Variants in SUMO2 observed in about 807,000 individuals in gnomAD.
SUMO2 encodes the protein small ubiquitin like modifier 2.
A neutral mutation model predicts 16.0 loss-of-function variants in SUMO2; 1 was observed. The observed-to-expected ratio is 0.06, with a 90% CI of 0.02 to 0.30. The LOEUF (loss-of-function observed/expected upper bound fraction) is 0.30. Ranked by LOEUF, SUMO2 falls within the 10% of genes least tolerant of loss-of-function variation. SUMO2 has a pLI of 1.00. For synonymous variants in SUMO2, 36 were observed against 40.6 expected, an observed-to-expected ratio of 0.89 and a Z score of 0.43; for missense variants, 16 against 117.5, an observed-to-expected ratio of 0.14 and a Z score of 3.99.
intron 2 of SUMO2, among the ~76,000 whole-genome samples, chr17:75,177,240 C>T (rs28391127): frequency 0.047 from 7,164 of 151,478 alleles, 576 homozygotes; most frequent in African/African-American, 0.16. Context: ...AGGTGGCAGG[C>T]GCTGTAATCC....
Position 75,182,907 on chromosome 17 carries a change from G to A in SUMO2, c.-73C>T, listed in dbSNP as rs933569722. 12 of 1,242,538 alleles carry A rather than the reference G, an allele frequency of 9.7e-6. No individual in the cohort carries two copies. The South Asian group carries it at 3.4e-4, about 35-fold the overall frequency. 77.0% of individuals were successfully genotyped at this position (1,242,538 alleles called of 1,614,324 possible). On this transcript the variant is annotated 5_prime_UTR_variant, in exon 1 of 4. Coordinates refer to ENST00000420826, the MANE Select transcript of SUMO2 (RefSeq NM_006937.4). ...AGGTCCGCACCAAACGAGCACACAAGCAGCACCAGGAGCGGCAGAAGAAGG... is the reference window on the plus strand; with the variant it reads ...AGGTCCGCACCAAACGAGCACACAAACAGCACCAGGAGCGGCAGAAGAAGG...
chr17:75,180,392 T>TA (rs58684188), intron 2 of SUMO2, among the ~76,000 whole-genome samples: 9,553 of 44,770 alleles, frequency 0.21, 3,319 homozygotes, highest in East Asian at 0.29. Flanking sequence ...ACTCCCAGCT[T>TA]AAAAAAAAAA....
intron 3 of SUMO2, among the ~76,000 whole-genome samples, chr17:75,171,081 AAAG>A (rs1020459636): frequency 6.6e-6 from 1 of 151,736 alleles, no homozygotes; most frequent in Non-Finnish European, 1.5e-5. Context: ...AAAAAAAAAA[AAAG>A]TACACCCCAA....
intron 3 of SUMO2, among the ~76,000 whole-genome samples, chr17:75,173,409 C>T (rs1389691109): frequency 6.6e-6 from 1 of 152,016 alleles, no homozygotes; most frequent in Non-Finnish European, 1.5e-5. Context: ...ACCCTCCTGC[C>T]AGTGTCAGTT....
intron 1 of SUMO2, 141 bp downstream of exon 1, chr17:75,182,673 G>C: frequency 1.7e-6 from 1 of 601,522 alleles, no homozygotes; most frequent in Non-Finnish European, 2.3e-6. Context: ...AAATGGCGCG[G>C]AGCGCCCGGG....
intron 2 of SUMO2, among the ~76,000 whole-genome samples, chr17:75,178,687 G>A (rs992702618): frequency 2.0e-5 from 3 of 152,024 alleles, no homozygotes; most frequent in African/African-American, 4.8e-5. Context: ...TCCCACCTCT[G>A]TCACTGAAAT....
At chr17:75,182,117 G>A (rs2074833624) in intron 1 of SUMO2, among the ~76,000 whole-genome samples, 1 of 152,088 alleles carries the variant, frequency 6.6e-6, no homozygotes, top group African/African-American at 2.4e-5. Flanking sequence ...GCTCGTACCT[G>A]TGCCTCCAAC....
At chr17:75,172,604 C>T (rs1037480724) in intron 3 of SUMO2, among the ~76,000 whole-genome samples, 21 of 151,644 alleles carry the variant, frequency 1.4e-4, no homozygotes, top group African/African-American at 4.8e-4. Context: ...GCCTCAGCCT[C>T]CCGAGCAGCT....
intron 3 of SUMO2, among the ~76,000 whole-genome samples, chr17:75,169,269 T>C (rs1394814787): frequency 6.6e-6 from 1 of 151,924 alleles, no homozygotes; most frequent in African/African-American, 2.4e-5. Flanking sequence ...CCACGCACAA[T>C]GGCTCACTCC....
At chr17:75,177,000 T>C (rs986418626) in intron 2 of SUMO2, among the ~76,000 whole-genome samples, 12 of 151,556 alleles carry the variant, frequency 7.9e-5, no homozygotes, top group Non-Finnish European at 1.3e-4. Context: ...CTGTCCAACA[T>C]GGTGAAACCC....
chr17:75,174,901 A>T (rs1174312710), intron 2 of SUMO2, 78 bp from the exon 3 acceptor site: 3 of 1,250,306 alleles, frequency 2.4e-6, no homozygotes, highest in East Asian at 2.5e-5. Context: ...TGCATATTTA[A>T]CCATGAATAT....
chr17:75,182,582 G>C, intron 1 of SUMO2: 1 of 302,000 alleles, frequency 3.3e-6, no homozygotes, highest in Non-Finnish European at 6.0e-6. Context: ...CGCGCCCGGC[G>C]CGCACTCGGA....
At position 75,182,946 on chromosome 17, in the gene SUMO2, G is replaced by C; in HGVS notation, c.-112C>G. ...GGCAGAAGAAGGAGGCGGCAGCGGT[G>C]GACGAGGGGAGAGGGTGCGCGCACG... On this transcript the variant is annotated 5_prime_UTR_variant, in exon 1 of 4. Transcript: ENST00000420826. 1.1e-6 allele frequency: 1 copy of C among 950,374 alleles called. No homozygotes were observed. Among genetic ancestry groups the C allele is most frequent in the Non-Finnish European group, 1.4e-6 (1 of 715,894 alleles). The allele number at this position is 950,374 out of a possible 1,614,324, so 58.9% of individuals were successfully genotyped here.
At chr17:75,178,157 C>G (rs562041506) in intron 2 of SUMO2, among the ~76,000 whole-genome samples, 1 of 150,164 alleles carries the variant, frequency 6.7e-6, no homozygotes, top group East Asian at 2.0e-4. Flanking sequence ...GGGCAAAAGC[C>G]TGTCTCAAAA....
chr17:75,177,667 G>A (rs1255942064), intron 2 of SUMO2, among the ~76,000 whole-genome samples: 1 of 151,080 alleles, frequency 6.6e-6, no homozygotes, highest in African/African-American at 2.4e-5. Context: ...AGTAACAAGA[G>A]GAAAACTCCA....
rs375048393 is a variant in SUMO2, at chr17:75,169,239, AAG to A, written c.226-840_226-839del. Among the ~76,000 whole-genome samples, 417 of 152,106 alleles carry A rather than the reference AAG, an allele frequency of 2.7e-3. 2 individuals carry two copies. The highest frequency in any genetic ancestry group is 8.9e-3 in the African/African-American group (369 of 41,494). ...AAAGCAAAAGATCCTGTATCAAAAA[AAG>A]AGAAAAAAAGGCTAGGGCCACGCAC... On this transcript the variant is annotated intron_variant, in intron 3 of 3. Coordinates refer to ENST00000420826, the MANE Select transcript of SUMO2 (RefSeq NM_006937.4).
chr17:75,176,215 A>G (rs927805556), intron 2 of SUMO2, among the ~76,000 whole-genome samples: 14 of 151,770 alleles, frequency 9.2e-5, no homozygotes, highest in Admixed American at 7.2e-4. Flanking sequence ...AATTTTTTGT[A>G]TTTTAGTAGA....
chr17:75,179,585 A>C (rs1449087643), intron 2 of SUMO2, among the ~76,000 whole-genome samples: 3 of 151,820 alleles, frequency 2.0e-5, no homozygotes, highest in Non-Finnish European at 2.9e-5. Flanking sequence ...AGGTTTACAT[A>C]TCAATTATGA....
chr17:75,174,175 T>C (rs1034563495), intron 3 of SUMO2, among the ~76,000 whole-genome samples: 8 of 150,196 alleles, frequency 5.3e-5, no homozygotes, highest in Non-Finnish European at 8.9e-5. Context: ...GGATTACTTG[T>C]GGTCAGCAGT....
Sources: gnomAD v4.1 joint callset for allele counts (sites outside exome capture counted in the v4.1 genomes callset) on GRCh38, gnomAD v4.1.1 for gene constraint, MANE v1.5 for transcripts, NCBI Gene and HGNC (gene_info 2026-07-23, HGNC 2026-07-21) for gene names.